NAP1L1: variants seen among roughly 807,000 people sequenced by gnomAD.
NAP1L1 encodes the protein nucleosome assembly protein 1-like 1.
Under a neutral mutation model 58.9 loss-of-function variants are expected in NAP1L1, and 9 were observed. The ratio of observed to expected loss-of-function variants is 0.15; its 90% CI spans 0.09 to 0.27. The LOEUF (loss-of-function observed/expected upper bound fraction) is 0.27. Among genes scored for constraint, NAP1L1 ranks in the 10% least tolerant of loss-of-function variants. NAP1L1 has a pLI of 1.00. For missense variants in NAP1L1, 302 were observed against 458.8 expected (o/e 0.66, Z 3.12); for synonymous variants, 130 against 138.3 (o/e 0.94, Z 0.42).
At chr12:76,081,240 G>A (rs969789283) in intron 1 of NAP1L1, among the ~76,000 whole-genome samples, 8 of 152,032 alleles carry the variant, frequency 5.3e-5, no homozygotes, top group Non-Finnish European at 1.2e-4. Context: ...ACGTAACCAC[G>A]GACGGGTTAT....
intron 6 of NAP1L1, chr12:76,056,738 C>T (rs994309022): frequency 2.1e-5 from 9 of 432,088 alleles, no homozygotes; most frequent in Middle Eastern, 3.5e-4. Context: ...GTAAGCCAGG[C>T]GCAGTGGCTC....
At position 76,046,454 on chromosome 12, in the gene NAP1L1, G is replaced by A. The variant is rs1948609509; in HGVS notation, c.*1975C>T. 6.6e-6 allele frequency: 1 copy of A among 151,560 alleles called. No individual in the cohort carries two copies. Among genetic ancestry groups the A allele is most frequent in the South Asian group, 2.1e-4 (1 of 4,800 alleles). The allele number at this position is 151,560 out of a possible 1,614,324, so 9.4% of individuals were successfully genotyped here. ...TTAAAAATGGGATTCTATCTTTGAA[G>A]TTCAGAAAAAGCTGCATTTCGATGA... On this transcript the variant is annotated 3_prime_UTR_variant, in exon 15 of 15. Coordinates refer to ENST00000618691, the MANE Select transcript of NAP1L1 (RefSeq NM_004537.7).
At chr12:76,073,278 C>T (rs1950042451) in intron 2 of NAP1L1, among the ~76,000 whole-genome samples, 1 of 152,060 alleles carries the variant, frequency 6.6e-6, no homozygotes, top group Non-Finnish European at 1.5e-5. Flanking sequence ...ATGCCTACAA[C>T]AGCTATGGAA....
chr12:76,077,486 C>CAGCTT (rs1950221631), intron 1 of NAP1L1, among the ~76,000 whole-genome samples: 1 of 152,174 alleles, frequency 6.6e-6, no homozygotes, highest in South Asian at 2.1e-4. Flanking sequence ...ACAAGAAACT[C>CAGCTT]AGCTTCTGAG....
chr12:76,067,265 A>AC, intron 4 of NAP1L1, 106 bp downstream of exon 4: 1 of 827,846 alleles, frequency 1.2e-6, no homozygotes, highest in Middle Eastern at 3.8e-4. Context: ...ACTAACAGAC[A>AC]ATAGGTTTCC....
In NAP1L1 at chr12:76,048,143, T is replaced by C. The variant is rs1948662588; in HGVS notation, c.*286A>G. ...TATTTCCTTTAACAGTTGTTAATTTTCATAGCTGTACTCCAAGAGCTACAT... is the reference window on the plus strand; with the variant it reads ...TATTTCCTTTAACAGTTGTTAATTTCCATAGCTGTACTCCAAGAGCTACAT... On this transcript the variant is annotated 3_prime_UTR_variant, in exon 15 of 15. Transcript: ENST00000618691. 2.6e-6 allele frequency: 1 copy of C among 384,996 alleles called. No individual in the cohort carries two copies. The highest frequency in any genetic ancestry group is 4.6e-6 in the Non-Finnish European group (1 of 216,886). The allele number at this position is 384,996 out of a possible 1,614,324, so 23.8% of individuals were successfully genotyped here. A position where few individuals can be genotyped will look rare whatever the true frequency, so the allele number is the denominator to read the frequency against.
chr12:76,082,946 GGCAA>G (rs1367834728), intron 1 of NAP1L1, among the ~76,000 whole-genome samples: 2 of 152,164 alleles, frequency 1.3e-5, no homozygotes. Flanking sequence ...TGTGAAACCA[GGCAA>G]GCAGTGTAAA....
rs1948621967 is a variant in NAP1L1 at position 76,046,989 on chromosome 12, C to T, written c.*1440G>A. On this transcript the variant is annotated 3_prime_UTR_variant, in exon 15 of 15. Transcript: ENST00000618691. Reference sequence around the variant, plus strand: ...CTTGGACCTTGTGAAATAGTGCATCCCTCCACTTCTATAAAAATAGGAGCC... The same window carrying T: ...CTTGGACCTTGTGAAATAGTGCATCTCTCCACTTCTATAAAAATAGGAGCC... 1 of 152,298 alleles carries T rather than the reference C, an allele frequency of 6.6e-6. No individual in the cohort carries two copies. The highest frequency in any genetic ancestry group is 2.1e-4 in the South Asian group (1 of 4,818). 9.4% of individuals were successfully genotyped at this position (152,298 alleles called of 1,614,324 possible).
intron 11 of NAP1L1, among the ~76,000 whole-genome samples, chr12:76,052,247 TAACA>T (rs541405791): frequency 2.3e-4 from 35 of 151,812 alleles, no homozygotes; most frequent in East Asian, 1.2e-3. Context: ...CAATATTTAG[TAACA>T]AACAAACAAA....
At chr12:76,068,644 G>C in intron 3 of NAP1L1, 1 of 311,698 alleles carries the variant, frequency 3.2e-6, no homozygotes, top group Non-Finnish European at 5.8e-6. Context: ...ATGGGCAGCT[G>C]TTTGACACAA....
chr12:76,056,685 T>A, intron 6 of NAP1L1: 1 of 420,474 alleles, frequency 2.4e-6, no homozygotes, highest in Non-Finnish European at 4.7e-6. Flanking sequence ...ACCATGAAGT[T>A]AAAAAAAAAA....
At position 76,039,799 on chromosome 12, in the gene NAP1L1, G is replaced by T. The variant is rs936173933; in HGVS notation, c.*8630C>A. On this transcript the variant is annotated 3_prime_UTR_variant, in exon 15 of 15. Transcript: ENST00000618691. Reference sequence around the variant, plus strand: ...ATATTCTCAATCAAGTATGATTAAGGCATTATTTTTATTATCTTAATGTTA... The same window carrying T: ...ATATTCTCAATCAAGTATGATTAAGTCATTATTTTTATTATCTTAATGTTA... 2.0e-5 allele frequency: 3 copies of T among 152,136 alleles called. No individual in the cohort carries two copies. Among genetic ancestry groups the T allele is most frequent in the African/African-American group, 7.2e-5 (3 of 41,428 alleles). The allele number at this position is 152,136 out of a possible 1,614,324, so 9.4% of individuals were successfully genotyped here.
rs952752790 is a variant in NAP1L1 at position 76,039,329 on chromosome 12, T to G, written c.*9100A>C. 6 of 152,152 alleles carry G rather than the reference T, an allele frequency of 3.9e-5. No individual in the cohort carries two copies. Among genetic ancestry groups the G allele is most frequent in the Non-Finnish European group, 8.8e-5 (6 of 68,046 alleles). 9.4% of individuals were successfully genotyped at this position (152,152 alleles called of 1,614,324 possible). A position where few individuals can be genotyped will look rare whatever the true frequency, so the allele number is the denominator to read the frequency against. On this transcript the variant is annotated 3_prime_UTR_variant, in exon 15 of 15. Transcript: ENST00000618691. Reference sequence around the variant, plus strand: ...GTACCTTGAACCTGGACATGATGTATAGAGCCCCAGCAACCACTTGATAAT... The same window carrying G: ...GTACCTTGAACCTGGACATGATGTAGAGAGCCCCAGCAACCACTTGATAAT...
chr12:76,050,526 C>T lies in NAP1L1; in HGVS notation c.1059+5G>A. 3.7e-6 allele frequency: 6 copies of T among 1,601,836 alleles called. No homozygotes were observed. The highest frequency in any genetic ancestry group is 5.1e-6 in the Non-Finnish European group (6 of 1,176,518). ...TATTTCTTTGCAGGATTCAAATTCGCTTACATCATCATCATCATCTTCAAT... is the reference window on the plus strand; with the variant it reads ...TATTTCTTTGCAGGATTCAAATTCGTTTACATCATCATCATCATCTTCAAT... On this transcript the variant is annotated splice_donor_5th_base_variant and intron_variant, in intron 12 of 14. Coordinates refer to ENST00000618691, the MANE Select transcript of NAP1L1 (RefSeq NM_004537.7).
At position 76,048,101 on chromosome 12, in the gene NAP1L1, C is replaced by CA. The variant is rs57380071; in HGVS notation, c.*327dup. The CA allele has an allele frequency of 0.083, 15,530 of 186,170 alleles. 47 individuals are homozygous for CA. The highest frequency in any genetic ancestry group is 0.11 in the Middle Eastern group (74 of 660). The allele number at this position is 186,170 out of a possible 1,614,324, so 11.5% of individuals were successfully genotyped here. ...CTTTGGTTCTTCAAGGAAAAAATTA[C>CA]AAAAAAAAAAAAAAGGTATTTCCTT... On this transcript the variant is annotated 3_prime_UTR_variant, in exon 15 of 15. Coordinates refer to ENST00000618691, the MANE Select transcript of NAP1L1 (RefSeq NM_004537.7).
At chr12:76,075,944 G>A (rs76236397) in intron 1 of NAP1L1, among the ~76,000 whole-genome samples, 1,700 of 152,170 alleles carry the variant, frequency 0.011, 27 homozygotes, top group African/African-American at 0.037. Context: ...CAGAAGGACC[G>A]CTTGAGGCCA....
In NAP1L1 at chr12:76,049,227, C is replaced by G. The variant is rs755806930; in HGVS notation, c.1113G>C (p.Glu371Asp). 2 of 1,613,224 alleles carry G rather than the reference C, an allele frequency of 1.2e-6. No homozygotes were observed. Among genetic ancestry groups the G allele is most frequent in the African/African-American group, 2.7e-5 (2 of 74,838 alleles). Residue 371 changes from glutamate (E) to aspartate (D), a missense_variant, in exon 14 of 15, where the codon GAG (glutamate) becomes GAC (aspartate). Glu to Asp is a conservative substitution (Grantham distance 45, BLOSUM62 2). Coordinates refer to ENST00000618691, the MANE Select transcript of NAP1L1 (RefSeq NM_004537.7). The part of the protein sequence containing the change: ...ADEEGEEEGD[E>D]ENDPDYDPKK... ...TTGGGTCATAGTCTGGATCATTTTC[C>G]TCATCTCCTTCTTCTTCCCCTTCCT...
chr12:76,048,135 G>T lies in NAP1L1; in HGVS notation c.*294C>A. 23 of 334,582 alleles carry T rather than the reference G, an allele frequency of 6.9e-5. No homozygotes were observed. Among genetic ancestry groups the T allele is most frequent in the East Asian group, 9.6e-5 (2 of 20,846 alleles). The allele number at this position is 334,582 out of a possible 1,614,324, so 20.7% of individuals were successfully genotyped here. ...AAAAAAGGTATTTCCTTTAACAGTT[G>T]TTAATTTTCATAGCTGTACTCCAAG... On this transcript the variant is annotated 3_prime_UTR_variant, in exon 15 of 15. Transcript: ENST00000618691.
rs79479741 is a variant in NAP1L1 at position 76,050,237 on chromosome 12, C to T, written c.1059+294G>A. Among the ~76,000 whole-genome samples, 1,477 of 152,204 alleles carry T rather than the reference C, an allele frequency of 9.7e-3. 22 individuals carry two copies. The highest frequency in any genetic ancestry group is 0.033 in the African/African-American group (1,370 of 41,524). On this transcript the variant is annotated intron_variant, in intron 12 of 14. Coordinates refer to ENST00000618691, the MANE Select transcript of NAP1L1 (RefSeq NM_004537.7). ...TCTTGTGCACTAAAGAAAGTCCTAG[C>T]TCTGTGAAGTCAAGGCAAGGGCATA...
Sources: allele counts gnomAD v4.1 joint callset (sites outside exome capture counted in the v4.1 genomes callset), GRCh38; gene constraint gnomAD v4.1.1; transcripts MANE v1.5; gene names NCBI Gene and HGNC (gene_info 2026-07-23, HGNC 2026-07-21).